The following TMEM200A variants were observed in gnomAD, a reference collection of about 807,000 sequenced individuals.
TMEM200A encodes the protein transmembrane protein 200A.
Under a neutral mutation model 24.3 loss-of-function variants are expected in TMEM200A, and 12 were observed. The ratio of observed to expected loss-of-function variants is 0.49; its 90% CI spans 0.32 to 0.80. The LOEUF (loss-of-function observed/expected upper bound fraction) is 0.80. TMEM200A is among the 30% of genes least tolerant of loss of function. TMEM200A has a pLI of 0.04. For synonymous variants in TMEM200A, 224 were observed against 224.4 expected, an observed-to-expected ratio of 1.00 and a Z score of 0.02; for missense variants, 545 against 614.4, an observed-to-expected ratio of 0.89 and a Z score of 1.19.
intron 2 of TMEM200A, among the ~76,000 whole-genome samples, chr6:130,390,997 A>T (rs895533905): frequency 2.0e-5 from 3 of 152,186 alleles, no homozygotes; most frequent in Non-Finnish European, 4.4e-5. Context: ...GTAGCAAAAA[A>T]TTGTCTCCAG....
chr6:130,375,362 TATAAC>T lies in TMEM200A; in HGVS notation c.-81+8841_-81+8845del, dbSNP rs540628966. Among the ~76,000 whole-genome samples, 194 of 152,308 alleles carry T rather than the reference TATAAC, an allele frequency of 1.3e-3. 2 individuals are homozygous for T. The highest frequency in any genetic ancestry group is 4.4e-3 in the African/African-American group (183 of 41,586). On this transcript the variant is annotated intron_variant, in intron 1 of 2. Transcript: ENST00000296978. The stretch of plus-strand genomic sequence containing the variant: ...TACTTATAAGACACATAAAATCTCT[TATAAC>T]ATGCGTTAAAAAGTAAACTTGGCTC...
Position 130,366,667 on chromosome 6 carries a change from A to C in TMEM200A, c.-81+143A>C, listed in dbSNP as rs1465047548. On this transcript the variant is annotated intron_variant, in intron 1 of 2. Coordinates refer to ENST00000296978, the MANE Select transcript of TMEM200A (RefSeq NM_001258277.2). This position sits in a 1 kb window ranked among gnomAD's most constrained non-coding sequence, Gnocchi z 4.4. ...AGTTAGGTAAACGCTGTCTCTCCTA[A>C]AGTTTGGGAAATAAACCAAGTCCGC... 4 of 749,994 alleles carry C rather than the reference A, an allele frequency of 5.3e-6. No individual in the cohort carries two copies. The highest frequency in any genetic ancestry group is 3.8e-5 in the African/African-American group (2 of 52,528). The allele number at this position is 749,994 out of a possible 1,614,324, so 46.5% of individuals were successfully genotyped here. A position where few individuals can be genotyped will look rare whatever the true frequency, so the allele number is the denominator to read the frequency against.
intron 2 of TMEM200A, chr6:130,438,801 A>G (rs1487694575): frequency 6.6e-6 from 1 of 152,242 alleles, no homozygotes; most frequent in African/African-American, 2.4e-5. Context: ...TGTAAGTGCC[A>G]TAGAAAACTT....
At chr6:130,376,393 CA>C (rs1778456671) in intron 1 of TMEM200A, among the ~76,000 whole-genome samples, 1 of 152,240 alleles carries the variant, frequency 6.6e-6, no homozygotes, top group African/African-American at 2.4e-5. Context: ...GCTGGGACTC[CA>C]CAAGTAGCCT....
intron 2 of TMEM200A, among the ~76,000 whole-genome samples, chr6:130,424,926 C>T (rs1779693547): frequency 6.6e-6 from 1 of 152,108 alleles, no homozygotes; most frequent in Non-Finnish European, 1.5e-5. Flanking sequence ...TCCTCTCTGC[C>T]TCTCTGCTTT....
At chr6:130,383,390 C>T (rs913182704) in intron 1 of TMEM200A, among the ~76,000 whole-genome samples, 1 of 152,140 alleles carries the variant, frequency 6.6e-6, no homozygotes, top group Non-Finnish European at 1.5e-5. Context: ...ATAATCTGCT[C>T]CCATTCTTGG....
intron 2 of TMEM200A, 130 bp downstream of exon 2, chr6:130,385,366 G>A (rs1206708972): frequency 2.0e-5 from 3 of 152,172 alleles, no homozygotes; most frequent in African/African-American, 7.2e-5. Context: ...GTGGGACTTT[G>A]TCAGGCAATT....
At chr6:130,407,919 A>G (rs1779241885) in intron 2 of TMEM200A, among the ~76,000 whole-genome samples, 1 of 152,204 alleles carries the variant, frequency 6.6e-6, no homozygotes, top group African/African-American at 2.4e-5. Context: ...TGTAACAAGT[A>G]TATTGATGTA....
chr6:130,398,254 G>A (rs933990517), intron 2 of TMEM200A, among the ~76,000 whole-genome samples: 2 of 152,014 alleles, frequency 1.3e-5, no homozygotes, highest in African/African-American at 4.8e-5. Flanking sequence ...GTTCTCTCAG[G>A]TTAATGGCCT....
At chr6:130,427,538 A>AAGT (rs10694970) in intron 2 of TMEM200A, among the ~76,000 whole-genome samples, 1 of 151,454 alleles carries the variant, frequency 6.6e-6, no homozygotes, top group African/African-American at 2.4e-5. Context: ...AATCTTTTGA[A>AAGT]AGAATTCATA....
At chr6:130,409,433 G>A (rs1779283112) in intron 2 of TMEM200A, among the ~76,000 whole-genome samples, 1 of 152,056 alleles carries the variant, frequency 6.6e-6, no homozygotes, top group Admixed American at 6.6e-5. Flanking sequence ...GCCATGCCAG[G>A]CTGCTCTACA....
chr6:130,386,794 A>G (rs758892869), intron 2 of TMEM200A, among the ~76,000 whole-genome samples: 2 of 152,228 alleles, frequency 1.3e-5, no homozygotes, highest in Non-Finnish European at 2.9e-5. Flanking sequence ...AAATAAAACA[A>G]ATTTGCCTTG....
intron 2 of TMEM200A, among the ~76,000 whole-genome samples, chr6:130,415,223 T>C (rs1021368743): frequency 6.6e-6 from 1 of 152,020 alleles, no homozygotes; most frequent in South Asian, 2.1e-4. Flanking sequence ...TTAGGGACCA[T>C]TAGGGGCTGG....
rs147367512 is a variant in TMEM200A at position 130,420,618 on chromosome 6, T to C, written c.-16-19789T>C. ...GGAATATGTGACTTCAGTTGGCACT[T>C]TCATCTTAAATATATTATTCTGGCC... On this transcript the variant is annotated intron_variant, in intron 2 of 2. Coordinates refer to ENST00000296978, the MANE Select transcript of TMEM200A (RefSeq NM_001258277.2). 2.2e-4 allele frequency among the ~76,000 whole-genome samples: 34 copies of C among 152,262 alleles called. No individual in the cohort carries two copies. In the East Asian group the frequency reaches 6.6e-3, roughly 29 times the overall value.
intron 2 of TMEM200A, among the ~76,000 whole-genome samples, chr6:130,404,323 A>G (rs1055898190): frequency 7.2e-5 from 11 of 152,164 alleles, no homozygotes; most frequent in South Asian, 2.1e-4. Flanking sequence ...TTTTCTCCAC[A>G]ATCTCTCCAG....
intron 2 of TMEM200A, among the ~76,000 whole-genome samples, chr6:130,389,947 T>C: frequency 6.6e-6 from 1 of 152,224 alleles, no homozygotes; most frequent in East Asian, 1.9e-4. Flanking sequence ...GGGTAAAAAT[T>C]GCTCATACTG....
chr6:130,416,964 A>ACTAT (rs377646335), intron 2 of TMEM200A, among the ~76,000 whole-genome samples: 40 of 152,254 alleles, frequency 2.6e-4, no homozygotes, highest in African/African-American at 8.4e-4. Flanking sequence ...CCTTCCCTGC[A>ACTAT]CTATCTCAGT....
Position 130,395,380 on chromosome 6 carries a change from G to A in TMEM200A, c.-17+10144G>A, listed in dbSNP as rs145497889. On this transcript the variant is annotated intron_variant, in intron 2 of 2. Coordinates refer to ENST00000296978, the MANE Select transcript of TMEM200A (RefSeq NM_001258277.2). ...AGGCTGTGGAAAAGCAGCTCCAATC[G>A]CCTGCCCTGGACAGTCTGTTCTATT... 3.8e-3 allele frequency among the ~76,000 whole-genome samples: 583 copies of A among 152,268 alleles called. 6 individuals are homozygous for A. The highest frequency in any genetic ancestry group is 0.013 in the African/African-American group (542 of 41,558).
chr6:130,417,524 C>A (rs1189945688), intron 2 of TMEM200A, among the ~76,000 whole-genome samples: 1 of 152,096 alleles, frequency 6.6e-6, no homozygotes, highest in Non-Finnish European at 1.5e-5. Context: ...GGAAAGGATT[C>A]TTTATGAATT....
Sources: gnomAD v4.1 joint callset for allele counts (sites outside exome capture counted in the v4.1 genomes callset) on GRCh38, gnomAD v4.1.1 for gene constraint, Gnocchi (gnomAD v3.1) non-coding constraint, MANE v1.5 for transcripts, NCBI Gene and HGNC (gene_info 2026-07-23, HGNC 2026-07-21) for gene names.